Variants in SUN1 observed in about 807,000 individuals in gnomAD.
The protein encoded by SUN1 is SUN domain-containing protein 1.
A neutral mutation model predicts 103.2 loss-of-function variants in SUN1; 61 were observed. The ratio of observed to expected loss-of-function variants is 0.59; its 90% CI spans 0.48 to 0.73. The LOEUF (loss-of-function observed/expected upper bound fraction) is 0.73. Among genes scored for constraint, SUN1 ranks in the 30% least tolerant of loss-of-function variants. SUN1 has a pLI of 0.00. For missense variants in SUN1, 1,052 were observed against 1,034.6 expected, an observed-to-expected ratio of 1.02 and a Z score of -0.23; for synonymous variants, 490 against 425.7, an observed-to-expected ratio of 1.15 and a Z score of -1.86.
At chr7:858,137 C>G (rs1054854994) in intron 13 of SUN1, among the ~76,000 whole-genome samples, 180 bp downstream of exon 13, 4 of 152,192 alleles carry the variant, frequency 2.6e-5, no homozygotes, top group African/African-American at 9.7e-5. Flanking sequence ...TGCAGGCCAC[C>G]TCCACCTGCC....
In SUN1 at chr7:851,547, C is replaced by CGAT. The variant is rs10628483; in HGVS notation, c.757+66_757+68dup. 1,020,303 of 1,326,440 alleles carry CGAT rather than the reference C, an allele frequency of 0.77. 394,893 individuals are homozygous for CGAT. Among genetic ancestry groups the CGAT allele is most frequent in the Admixed American group, 0.86 (42,932 of 49,832 alleles). 82.2% of individuals were successfully genotyped at this position (1,326,440 alleles called of 1,614,324 possible). On this transcript the variant is annotated intron_variant, in intron 6 of 18. Coordinates refer to ENST00000401592, the MANE Select transcript of SUN1 (RefSeq NM_001130965.3). The stretch of plus-strand genomic sequence containing the variant: ...CTTCTGGCAGCTAAGCACCTGCACT[C>CGAT]GATTTACCTAACCAAGTAAAAATCT...
At chr7:866,151 G>C in intron 16 of SUN1, 84 bp downstream of exon 16, 1 of 1,137,398 alleles carries the variant, frequency 8.8e-7, no homozygotes, top group Non-Finnish European at 1.3e-6. Flanking sequence ...ACAGCTCCAT[G>C]GAACTTCGTA....
intron 1 of SUN1, among the ~76,000 whole-genome samples, chr7:819,708 C>A (rs1396884190): frequency 1.6e-5 from 2 of 127,042 alleles, no homozygotes; most frequent in African/African-American, 3.2e-5. Flanking sequence ...CCAATGCCAC[C>A]CTTTTTTTTT....
intron 15 of SUN1, among the ~76,000 whole-genome samples, chr7:865,666 C>T (rs1835895291): frequency 6.6e-6 from 1 of 152,192 alleles, no homozygotes; most frequent in African/African-American, 2.4e-5. Flanking sequence ...GACCTCCAAA[C>T]CACTCTCCAT....
chr7:845,110 G>A (rs1584645959), intron 5 of SUN1, among the ~76,000 whole-genome samples: 1 of 152,184 alleles, frequency 6.6e-6, no homozygotes, highest in African/African-American at 2.4e-5. Context: ...AGAAGCCACC[G>A]AAACGTGCTG....
upstream of SUN1, chr7:816,495 C>G: frequency 3.8e-6 from 1 of 264,302 alleles, no homozygotes; most frequent in Non-Finnish European, 7.6e-6. Flanking sequence ...CCTCCGCCCG[C>G]GGCCCGTAGC....
chr7:854,038 A>T (rs1824707907), intron 10 of SUN1, among the ~76,000 whole-genome samples: 1 of 152,056 alleles, frequency 6.6e-6, no homozygotes, highest in Admixed American at 6.5e-5. Flanking sequence ...GCAGCCTGAG[A>T]TGCTCCCACC....
At chr7:819,038 T>A (rs1278430922) in intron 1 of SUN1, among the ~76,000 whole-genome samples, 4 of 152,036 alleles carry the variant, frequency 2.6e-5, no homozygotes. Flanking sequence ...TAATTTTGTA[T>A]TTTTAGTAGA....
chr7:856,533 G>A lies in SUN1; in HGVS notation c.1394+132G>A, dbSNP rs1033571249. ...GGGTCACCTGAAGGCCCTGAGGTTC[G>A]TGCCGACAGACACTCCTGCTGGGCT... On this transcript the variant is annotated intron_variant, in intron 12 of 18. Coordinates refer to ENST00000401592, the MANE Select transcript of SUN1 (RefSeq NM_001130965.3). 2.5e-5 allele frequency: 24 copies of A among 962,020 alleles called. 1 individual carries two copies. Among genetic ancestry groups the A allele is most frequent in the South Asian group, 8.9e-5 (6 of 67,790 alleles). 59.6% of individuals were successfully genotyped at this position (962,020 alleles called of 1,614,324 possible).
chr7:865,728 T>C (rs1164066429), intron 15 of SUN1, among the ~76,000 whole-genome samples: 1 of 152,220 alleles, frequency 6.6e-6, no homozygotes, highest in Non-Finnish European at 1.5e-5. Context: ...GTTCCCTTTC[T>C]CCACATCCTC....
At chr7:855,762 C>T (rs371217549) in intron 11 of SUN1, among the ~76,000 whole-genome samples, 3 of 152,002 alleles carry the variant, frequency 2.0e-5, no homozygotes, top group Non-Finnish European at 4.4e-5. Context: ...CTCCTGTGTC[C>T]GCCTGAGAAG....
chr7:854,568 G>C (rs777881848), intron 10 of SUN1, among the ~76,000 whole-genome samples: 1 of 152,238 alleles, frequency 6.6e-6, no homozygotes, highest in Non-Finnish European at 1.5e-5. Context: ...GAGACGGCGA[G>C]GGCCTTGGGC....
At chr7:839,972 T>A (rs1807634513) in intron 2 of SUN1, among the ~76,000 whole-genome samples, 1 of 152,254 alleles carries the variant, frequency 6.6e-6, no homozygotes, top group Admixed American at 6.5e-5. Flanking sequence ...ACTCTCCACG[T>A]GCCCACTTCT....
intron 3 of SUN1, 104 bp from the exon 4 acceptor site, chr7:843,102 T>G (rs1811753655): frequency 5.9e-6 from 9 of 1,517,896 alleles, no homozygotes; most frequent in Non-Finnish European, 8.1e-6. Context: ...TAATGCTGAT[T>G]TATTAACCAT....
rs765019636 is a variant in SUN1 at position 860,381 on chromosome 7, C to T, written c.1778C>T (p.Ala593Val). ...SEAGASGITE[A>V]QARAIVNSAL... ...GCGGGGGCGTCTGGAATAACAGAGG[C>T]GGTGAGTCGGCGAGTCGGCGGCAAG... Residue 593 changes from alanine to valine, a missense_variant and splice_region_variant, in exon 14 of 19, where the codon GCG becomes GTG. This residue lies in a region of SUN1 where 206 missense variants were observed against 260.1 expected (regional missense o/e 0.79). Transcript: ENST00000401592. 1.2e-5 allele frequency: 19 copies of T among 1,610,968 alleles called. No individual in the cohort carries two copies. The Admixed American group carries it at 1.8e-4, about 16-fold the overall frequency.
At chr7:853,110 T>A in intron 9 of SUN1, 158 bp downstream of exon 9, 1 of 1,014,730 alleles carries the variant, frequency 9.9e-7, no homozygotes, top group Non-Finnish European at 1.4e-6. Context: ...TTAAGTGTTC[T>A]AGGATAGTTC....
chr7:843,942 C>T (rs985135635), intron 5 of SUN1: 10 of 1,077,886 alleles, frequency 9.3e-6, no homozygotes, highest in South Asian at 2.8e-5. Context: ...AAACATTTCC[C>T]GTGGTCGCTA....
upstream of SUN1, among the ~76,000 whole-genome samples, chr7:827,740 A>G (rs1039537957): frequency 3.9e-5 from 6 of 152,170 alleles, no homozygotes; most frequent in African/African-American, 1.4e-4. Flanking sequence ...TACTGGGATT[A>G]CAGGCGTGAG....
At chr7:844,584 T>A (rs994040672) in intron 5 of SUN1, among the ~76,000 whole-genome samples, 3 of 152,228 alleles carry the variant, frequency 2.0e-5, no homozygotes, top group African/African-American at 7.2e-5. Flanking sequence ...TGGACACTGC[T>A]AGTGTTAATA....
Sources: gnomAD v4.1 joint callset for allele counts (sites outside exome capture counted in the v4.1 genomes callset) on GRCh38, gnomAD v4.1.1 for gene constraint, gnomAD v4.1.1 regional missense constraint, MANE v1.5 for transcripts, NCBI Gene and HGNC (gene_info 2026-07-23, HGNC 2026-07-21) for gene names.